The following AKAP7 variants were observed in gnomAD, a reference collection of about 807,000 sequenced individuals.
AKAP7 encodes A-kinase anchoring protein 7.
In AKAP7, 39 loss-of-function variants were observed where a neutral mutation model predicts 39.5. The ratio of observed to expected loss-of-function variants is 0.99; its 90% CI spans 0.76 to 1.29. The LOEUF is 1.29. AKAP7 is among the 50% of genes most tolerant of loss of function. The pLI is 0.00. For synonymous variants in AKAP7, 140 were observed against 139.1 expected, an observed-to-expected ratio of 1.01 and a Z score of -0.05; for missense variants, 414 against 407.7, an observed-to-expected ratio of 1.02 and a Z score of -0.13.
Position 131,145,298 on chromosome 6 carries a change from C to A in AKAP7, c.33C>A (p.Ser11=). The change falls in exon 2 of 8, where the codon TCC becomes TCA. Residue 11 remains serine, a synonymous_variant. Coordinates refer to ENST00000431975, the MANE Select transcript of AKAP7 (RefSeq NM_016377.4). MERPEAGGIN[S]NECENVSRKK... Reference sequence around the variant, plus strand: ...GATATGTTAAAGGAGGAATTAATTCCAATGAGTGTGAAAATGTATCAAGAA... The same window carrying A: ...GATATGTTAAAGGAGGAATTAATTCAAATGAGTGTGAAAATGTATCAAGAA... 6.6e-7 allele frequency: 1 copy of A among 1,511,180 alleles called. No homozygotes were observed. Among genetic ancestry groups the A allele is most frequent in the South Asian group, 1.3e-5 (1 of 74,864 alleles). The allele number at this position is 1,511,180 out of a possible 1,614,324, so 93.6% of individuals were successfully genotyped here.
At chr6:131,240,497 C>G (rs1293740375) in intron 7 of AKAP7, among the ~76,000 whole-genome samples, 1 of 152,180 alleles carries the variant, frequency 6.6e-6, no homozygotes, top group Non-Finnish European at 1.5e-5. Flanking sequence ...TATGCCCTGC[C>G]CCCAGAGGTG....
Position 131,164,642 on chromosome 6 carries a change from T to C in AKAP7, c.292-439T>C, listed in dbSNP as rs1803302825. 9.4e-6 allele frequency: 3 copies of C among 319,390 alleles called. No individual in the cohort carries two copies. The East Asian group carries it at 2.5e-4, about 26-fold the overall frequency. The allele number at this position is 319,390 out of a possible 1,614,324, so 19.8% of individuals were successfully genotyped here. ...ACACATTCACTTGGAGACAAATAAT[T>C]ATTGCTTCTAACAGAAATGGAATGT... On this transcript the variant is annotated intron_variant, in intron 3 of 7. Transcript: ENST00000431975.
intron 7 of AKAP7, among the ~76,000 whole-genome samples, chr6:131,254,088 C>T (rs1029397266): frequency 5.3e-5 from 8 of 152,092 alleles, no homozygotes; most frequent in African/African-American, 9.7e-5. Flanking sequence ...GCACAAAACA[C>T]TTTTTTGTTT....
chr6:131,160,280 C>G, intron 3 of AKAP7, 82 bp downstream of exon 3: 5 of 1,413,216 alleles, frequency 3.5e-6, no homozygotes, highest in Non-Finnish European at 3.9e-6. Flanking sequence ...AGCCCACTTG[C>G]TCTTAGCTTT....
Position 131,280,657 on chromosome 6 carries a change from G to A in AKAP7, c.851-873G>A, listed in dbSNP as rs146514243. ...TTGTTCTTTCCTGGGTCCCCAGCTC[G>A]ATGGGAGGAGATTGAGCACTGAATG... On this transcript the variant is annotated intron_variant, in intron 7 of 7. Coordinates refer to ENST00000431975, the MANE Select transcript of AKAP7 (RefSeq NM_016377.4). 1.2e-3 allele frequency among the ~76,000 whole-genome samples: 177 copies of A among 152,280 alleles called. 1 individual carries two copies. The highest frequency in any genetic ancestry group is 3.9e-3 in the African/African-American group (162 of 41,556).
Position 131,159,461 on chromosome 6 carries a change from A to G in AKAP7, c.152-598A>G, listed in dbSNP as rs180880410. Among the ~76,000 whole-genome samples the G allele has an allele frequency of 4.9e-4, 75 of 152,368 alleles. No homozygotes were observed. In the Middle Eastern group the frequency reaches 0.01, roughly 21 times the overall value. On this transcript the variant is annotated intron_variant, in intron 2 of 7. Transcript: ENST00000431975. ...GATACTTTTGTAAAATACAATAAAA[A>G]TGAAATTATTAGAAAATGAAATAAA...
At chr6:131,160,294 G>A (rs1562872589) in intron 3 of AKAP7, 96 bp downstream of exon 3, 2 of 1,313,494 alleles carry the variant, frequency 1.5e-6, no homozygotes, top group African/African-American at 1.5e-5. Flanking sequence ...TAGCTTTTAA[G>A]AGTATTTGGT....
chr6:131,255,205 G>C (rs1316281092), intron 7 of AKAP7, among the ~76,000 whole-genome samples: 3 of 152,130 alleles, frequency 2.0e-5, no homozygotes, highest in African/African-American at 7.2e-5. Context: ...TTCAGGGTAG[G>C]TGTCGTACAT....
intron 5 of AKAP7, chr6:131,184,363 C>T: frequency 4.6e-6 from 3 of 654,772 alleles, no homozygotes; most frequent in Non-Finnish European, 8.8e-6. Flanking sequence ...GAAGCTTTCT[C>T]CTTCAACAGG....
chr6:131,137,832 A>G (rs1800695005), intron 1 of AKAP7: 1 of 152,200 alleles, frequency 6.6e-6, no homozygotes. Flanking sequence ...GAATAGCAGA[A>G]ATGAGAAACA....
At chr6:131,136,884 G>A (rs1800591129) in intron 1 of AKAP7, 2 of 985,018 alleles carry the variant, frequency 2.0e-6, no homozygotes, top group South Asian at 9.4e-5. Context: ...GCCAGGACTA[G>A]AATGGATGCC....
intron 5 of AKAP7, among the ~76,000 whole-genome samples, chr6:131,193,619 C>T (rs996461370): frequency 6.6e-6 from 1 of 151,908 alleles, no homozygotes; most frequent in Non-Finnish European, 1.5e-5. Flanking sequence ...GGAGTAGTTT[C>T]AATAGGATTG....
intron 6 of AKAP7, among the ~76,000 whole-genome samples, chr6:131,213,170 G>T (rs1194992189): frequency 6.6e-6 from 1 of 152,144 alleles, no homozygotes; most frequent in African/African-American, 2.4e-5. Context: ...GTGTTATGTG[G>T]CAAGTTAAAG....
At chr6:131,178,159 C>T (rs972000400) in intron 5 of AKAP7, among the ~76,000 whole-genome samples, 12 of 152,196 alleles carry the variant, frequency 7.9e-5, no homozygotes, top group Non-Finnish European at 1.2e-4. Context: ...TTCAGTAGCA[C>T]GAGCACAATC....
chr6:131,173,200 CAAAA>C (rs67550717), intron 5 of AKAP7, among the ~76,000 whole-genome samples: 8 of 108,936 alleles, frequency 7.3e-5, no homozygotes, highest in Admixed American at 2.8e-4. Context: ...GACTCCATCT[CAAAA>C]AAAAAAAAAA....
chr6:131,131,612 T>G (rs1800331288), upstream of AKAP7, among the ~76,000 whole-genome samples: 1 of 152,128 alleles, frequency 6.6e-6, no homozygotes, highest in African/African-American at 2.4e-5. Context: ...CATTTGGGAA[T>G]ACGAAGACTT....
chr6:131,274,430 T>C (rs1814572806), intron 7 of AKAP7, among the ~76,000 whole-genome samples: 1 of 152,188 alleles, frequency 6.6e-6, no homozygotes, highest in African/African-American at 2.4e-5. Context: ...CTTGTTGTAA[T>C]ATGCACCTCA....
At chr6:131,157,994 AT>A (rs1287815262) in intron 2 of AKAP7, among the ~76,000 whole-genome samples, 1 of 152,204 alleles carries the variant, frequency 6.6e-6, no homozygotes, top group Non-Finnish European at 1.5e-5. Flanking sequence ...AAGAAAACAT[AT>A]CTATTTCTAC....
At chr6:131,262,389 G>A (rs1026660756) in intron 7 of AKAP7, among the ~76,000 whole-genome samples, 10 of 152,074 alleles carry the variant, frequency 6.6e-5, no homozygotes, top group Admixed American at 4.6e-4. Flanking sequence ...TGGAGCTGAG[G>A]GGCAGTGGTT....
Sources: allele counts gnomAD v4.1 joint callset (sites outside exome capture counted in the v4.1 genomes callset), GRCh38; gene constraint gnomAD v4.1.1; transcripts MANE v1.5; gene names NCBI Gene and HGNC (gene_info 2026-07-23, HGNC 2026-07-21).